REV1: variants seen among roughly 807,000 people sequenced by gnomAD.
REV1 encodes REV1 DNA directed polymerase, also known as translesion synthesis protein REV1.
REV1 carries 42 observed loss-of-function variants against 137.4 expected under a neutral mutation model. That is an observed-to-expected ratio of 0.31 (90% CI 0.24 to 0.40). The LOEUF is 0.40. REV1 is among the 10% of genes least tolerant of loss of function. The pLI, the probability that REV1 is intolerant of heterozygous loss-of-function variation, is 1.00. For synonymous variants in REV1, 524 were observed against 519.2 expected (o/e 1.01, Z -0.12); for missense variants, 1,282 against 1,490.1 (o/e 0.86, Z 2.30).
rs1575089608 is a variant in REV1, at chr2:99,434,582, A to T, written c.1322-134T>A. ...TTTACTTAGACATTAATCCTTAAAG[A>T]AGCTAATACTTTAAAGATTATCAAT... On this transcript the variant is annotated intron_variant, in intron 7 of 22. Transcript: ENST00000258428. 14 of 474,932 alleles carry T rather than the reference A, an allele frequency of 2.9e-5. No individual in the cohort carries two copies. In the South Asian group the frequency reaches 5.1e-4, roughly 17 times the overall value. The allele number at this position is 474,932 out of a possible 1,614,324, so 29.4% of individuals were successfully genotyped here. A position where few individuals can be genotyped will look rare whatever the true frequency, so the allele number is the denominator to read the frequency against.
intron 14 of REV1, among the ~76,000 whole-genome samples, chr2:99,409,295 G>A (rs1409647666): frequency 6.6e-6 from 1 of 152,190 alleles, no homozygotes; most frequent in African/African-American, 2.4e-5. Context: ...GAGTTTCTCT[G>A]TTTAAGAGCA....
At chr2:99,415,573 A>T (rs900984448) in intron 12 of REV1, among the ~76,000 whole-genome samples, 4 of 152,252 alleles carry the variant, frequency 2.6e-5, no homozygotes, top group Admixed American at 6.5e-5. Context: ...TATCCAATAC[A>T]GGAGAACCTT....
At chr2:99,465,294 A>C (rs1684671312) in intron 1 of REV1, among the ~76,000 whole-genome samples, 1 of 152,202 alleles carries the variant, frequency 6.6e-6, no homozygotes, top group South Asian at 2.1e-4. Flanking sequence ...AAATCCAACT[A>C]ACATGGCCAT....
At chr2:99,474,759 G>A (rs542998179) in intron 1 of REV1, among the ~76,000 whole-genome samples, 10 of 152,172 alleles carry the variant, frequency 6.6e-5, no homozygotes, top group African/African-American at 2.4e-4. Flanking sequence ...AAAATCAGCC[G>A]AGCATGGTAG....
At chr2:99,463,921 A>G (rs2105136753) in intron 2 of REV1, among the ~76,000 whole-genome samples, 1 of 152,060 alleles carries the variant, frequency 6.6e-6, no homozygotes, top group African/African-American at 2.4e-5. Context: ...ACCACGCCCA[A>G]CCTCAGAGCA....
intron 4 of REV1, 86 bp downstream of exon 4, chr2:99,449,250 G>A (rs1305404229): frequency 6.2e-6 from 5 of 803,132 alleles, no homozygotes; most frequent in East Asian, 8.5e-5. Context: ...GGGCGACAAA[G>A]CGAGACCCTA....
Position 99,401,226 on chromosome 2 carries a change from G to T in REV1, c.*15C>A. The T allele has an allele frequency of 6.7e-7, 1 of 1,503,150 alleles. No homozygotes were observed. The highest frequency in any genetic ancestry group is 9.3e-7 in the Non-Finnish European group (1 of 1,079,476). 93.1% of individuals were successfully genotyped at this position (1,503,150 alleles called of 1,614,324 possible). A position where few individuals can be genotyped will look rare whatever the true frequency, so the allele number is the denominator to read the frequency against. On this transcript the variant is annotated 3_prime_UTR_variant, in exon 23 of 23. Transcript: ENST00000258428. The stretch of plus-strand genomic sequence containing the variant: ...TGGCACAGCTATCAGAGAGCATCAG[G>T]CTCTCTGGTAATATTTATGTAACTT...
At chr2:99,411,108 T>C (rs1199309441) in intron 13 of REV1, among the ~76,000 whole-genome samples, 1 of 152,056 alleles carries the variant, frequency 6.6e-6, no homozygotes, top group African/African-American at 2.4e-5. Context: ...GCCAACGTGG[T>C]GAAACCTCAT....
Position 99,437,241 on chromosome 2 carries a change from C to A in REV1, c.1214-1300G>T, listed in dbSNP as rs573278831. 3.9e-5 allele frequency among the ~76,000 whole-genome samples: 6 copies of A among 152,118 alleles called. No homozygotes were observed. In the South Asian group the frequency reaches 6.2e-4, roughly 16 times the overall value. On this transcript the variant is annotated intron_variant, in intron 6 of 22. Transcript: ENST00000258428. ...CAAGCAATCCTCCCGCCTCGGCCTC[C>A]GAAAGTGTGCGAATTACAGGCATGA...
intron 3 of REV1, among the ~76,000 whole-genome samples, chr2:99,450,452 G>A (rs577328294): frequency 7.9e-5 from 12 of 152,116 alleles, no homozygotes; most frequent in Admixed American, 2.6e-4. Context: ...GTGGCTTATC[G>A]CAAGCTTAAT....
chr2:99,403,827 G>T lies in REV1; in HGVS notation c.3046-12C>A, dbSNP rs1221900988. 1.9e-6 allele frequency: 3 copies of T among 1,613,736 alleles called. No individual in the cohort carries two copies. Among genetic ancestry groups the T allele is most frequent in the South Asian group, 2.2e-5 (2 of 91,048 alleles). On this transcript the variant is annotated splice_polypyrimidine_tract_variant and intron_variant, in intron 18 of 22. Coordinates refer to ENST00000258428, the MANE Select transcript of REV1 (RefSeq NM_016316.4). Reference sequence around the variant, plus strand: ...ACCTCAGGGTCCACCTAGTGGAAAAGACGAGGTCAAAGTCAAACCTGAGCT... The same window carrying T: ...ACCTCAGGGTCCACCTAGTGGAAAATACGAGGTCAAAGTCAAACCTGAGCT...
intron 2 of REV1, among the ~76,000 whole-genome samples, chr2:99,464,222 T>C (rs1684557232): frequency 6.6e-6 from 1 of 152,212 alleles, no homozygotes. Context: ...TTGATATAAT[T>C]AAGCTTGATT....
At chr2:99,474,629 C>T (rs1685769520) in intron 1 of REV1, among the ~76,000 whole-genome samples, 1 of 152,148 alleles carries the variant, frequency 6.6e-6, no homozygotes, top group African/African-American at 2.4e-5. Context: ...AAGTCGGGAG[C>T]GATGGCTCAC....
rs1306871245 is a variant in REV1 at position 99,410,740 on chromosome 2, T to C, written c.2300A>G (p.Glu767Gly). 30 of 1,606,892 alleles carry C rather than the reference T, an allele frequency of 1.9e-5. No homozygotes were observed. The highest frequency in any genetic ancestry group is 2.5e-5 in the Non-Finnish European group (30 of 1,178,132). ...TCCATGGCCTCCAAATTTTGCAGTT[T>C]CTACAGGAGCCCCAGGCTTTCGTAC... ...IMVRKPGAPV[E>G]TAKFGGHGIC... is the part of the protein sequence containing the mutation. The change falls in exon 14 of 23, where the codon GAA becomes GGA. Residue 767 changes from glutamate (E) to glycine (G), a missense_variant. Transcript: ENST00000258428.
chr2:99,485,376 C>CT (rs1433091530), intron 1 of REV1, among the ~76,000 whole-genome samples: 1 of 152,212 alleles, frequency 6.6e-6, no homozygotes, highest in African/African-American at 2.4e-5. Context: ...AGCTGGGTTA[C>CT]TTTAAGTTCC....
intron 9 of REV1, among the ~76,000 whole-genome samples, chr2:99,427,095 C>T (rs146302310): frequency 0.011 from 1,675 of 152,058 alleles, 9 homozygotes; most frequent in Middle Eastern, 0.024. Flanking sequence ...GGCAGGAGAA[C>T]GGCTTCAACC....
intron 1 of REV1, 132 bp from the exon 2 acceptor site, chr2:99,465,117 T>A: frequency 1.3e-6 from 1 of 768,668 alleles, no homozygotes; most frequent in Non-Finnish European, 2.1e-6. Context: ...CAATATTAAG[T>A]AAACTTTTTC....
intron 8 of REV1, 68 bp from the exon 9 acceptor site, chr2:99,430,016 T>C: frequency 1.0e-6 from 1 of 973,870 alleles, no homozygotes; most frequent in Non-Finnish European, 1.5e-6. Flanking sequence ...TTTCAAGAAA[T>C]TTGTTTTCCA....
chr2:99,468,905 T>C (rs1228586863), intron 1 of REV1, among the ~76,000 whole-genome samples: 1 of 152,150 alleles, frequency 6.6e-6, no homozygotes, highest in Non-Finnish European at 1.5e-5. Context: ...TTGAAAACTA[T>C]AACACAGAGA....
Sources: allele counts gnomAD v4.1 joint callset (sites outside exome capture counted in the v4.1 genomes callset), GRCh38; gene constraint gnomAD v4.1.1; transcripts MANE v1.5; gene names NCBI Gene and HGNC (gene_info 2026-07-23, HGNC 2026-07-21).